The following PPIF variants were observed in gnomAD, a reference collection of about 807,000 sequenced individuals.
PPIF encodes peptidylprolyl isomerase F.
A neutral mutation model predicts 20.2 loss-of-function variants in PPIF; 23 were observed. The ratio of observed to expected loss-of-function variants is 1.14; its 90% CI spans 0.82 to 1.61. The LOEUF is 1.61. Ranked by LOEUF, PPIF falls within the 40% of genes most tolerant of loss-of-function variation. PPIF has a pLI of 0.00. For missense variants in PPIF, 287 were observed against 291.6 expected, an observed-to-expected ratio of 0.98 and a Z score of 0.11; for synonymous variants, 113 against 123.1, an observed-to-expected ratio of 0.92 and a Z score of 0.54.
At chr10:79,352,028 G>C (rs1239548142) in intron 4 of PPIF, among the ~76,000 whole-genome samples, 1 of 152,208 alleles carries the variant, frequency 6.6e-6, no homozygotes, top group Non-Finnish European at 1.5e-5. Flanking sequence ...AGAATGTGGA[G>C]ATGTCTGGAG....
chr10:79,349,217 G>A, intron 2 of PPIF, 111 bp downstream of exon 2: 1 of 1,602,996 alleles, frequency 6.2e-7, no homozygotes. Context: ...CCTGACAGAT[G>A]GGAGCTCCAT....
intron 4 of PPIF, 60 bp downstream of exon 4, chr10:79,351,643 C>G (rs536831120): frequency 1.7e-4 from 260 of 1,525,260 alleles, no homozygotes; most frequent in Non-Finnish European, 2.1e-4. Flanking sequence ...CCTGGAAGCC[C>G]CAGCAGGCCC....
At position 79,352,338 on chromosome 10, in the gene PPIF, C is replaced by T. The variant is rs747746206; in HGVS notation, c.434C>T (p.Ala145Val). Residue 145 changes from alanine to valine, a missense_variant, in exon 5 of 6, where the codon GCT becomes GTT. Transcript: ENST00000225174. Reference sequence around the variant, plus strand: ...GCAGGTGTCCTGTCCATGGCTAATGCTGGTCCTAACACCAACGGCTCCCAG... The same window carrying T: ...GCAGGTGTCCTGTCCATGGCTAATGTTGGTCCTAACACCAACGGCTCCCAG... ...VGPGVLSMAN[A>V]GPNTNGSQFF... The T allele has an allele frequency of 3.7e-6, 6 of 1,614,224 alleles. No homozygotes were observed. In the Admixed American group the frequency reaches 5.0e-5, roughly 13 times the overall value.
At chr10:79,350,828 C>A (rs866411280) in intron 3 of PPIF, among the ~76,000 whole-genome samples, 22 of 152,312 alleles carry the variant, frequency 1.4e-4, no homozygotes, top group Middle Eastern at 3.4e-3. Context: ...ACCCACGGAT[C>A]CCATCTCAGG....
chr10:79,352,415 TCTGGGAATGCGGGCAGCCTTGCAG>T, intron 5 of PPIF, 23 bp downstream of exon 5: 2 of 1,605,628 alleles, frequency 1.2e-6, no homozygotes, highest in Non-Finnish European at 1.7e-6. Flanking sequence ...CCCCAGGCCC[TCTGGGAATGCGGGCAGCCTTGCAG>T]CTGGAGGAGG....
chr10:79,353,123 G>T (rs1445941647), intron 5 of PPIF, among the ~76,000 whole-genome samples: 1 of 152,244 alleles, frequency 6.6e-6, no homozygotes, highest in African/African-American at 2.4e-5. Flanking sequence ...GATGTGGCCG[G>T]CAGGGCTGGG....
In PPIF at chr10:79,354,180, C is replaced by A; in HGVS notation, c.*338C>A. On this transcript the variant is annotated 3_prime_UTR_variant, in exon 6 of 6. Transcript: ENST00000225174. Reference sequence around the variant, plus strand: ...TTGCCATCCAAGTGAAAGTCTTTTCCTTGACCAAGGGGGACAGTCAGTTTT... The same window carrying A: ...TTGCCATCCAAGTGAAAGTCTTTTCATTGACCAAGGGGGACAGTCAGTTTT... 1 of 314,828 alleles carries A rather than the reference C, an allele frequency of 3.2e-6. No homozygotes were observed. The highest frequency in any genetic ancestry group is 6.0e-6 in the Non-Finnish European group (1 of 166,282). The allele number at this position is 314,828 out of a possible 1,614,324, so 19.5% of individuals were successfully genotyped here.
Position 79,354,032 on chromosome 10 carries a change from C to T in PPIF, c.*190C>T, listed in dbSNP as rs908605390. 3.2e-6 allele frequency: 2 copies of T among 618,052 alleles called. No homozygotes were observed. The highest frequency in any genetic ancestry group is 5.6e-6 in the Non-Finnish European group (2 of 357,542). The allele number at this position is 618,052 out of a possible 1,614,324, so 38.3% of individuals were successfully genotyped here. On this transcript the variant is annotated 3_prime_UTR_variant, in exon 6 of 6. Coordinates refer to ENST00000225174, the MANE Select transcript of PPIF (RefSeq NM_005729.4). ...ACCACATTGCTTCCTAATACCCACC[C>T]TTCCTCACGACCTCATTTCTGGGCA... is the stretch of plus-strand genomic sequence containing the variant.
Position 79,347,597 on chromosome 10 carries a change from C to T in PPIF, c.49C>T (p.Pro17Ser). The T allele has an allele frequency of 7.0e-7, 1 of 1,425,422 alleles. No homozygotes were observed. Among genetic ancestry groups the T allele is most frequent in the Non-Finnish European group, 9.2e-7 (1 of 1,086,678 alleles). The allele number at this position is 1,425,422 out of a possible 1,614,324, so 88.3% of individuals were successfully genotyped here. A position where few individuals can be genotyped will look rare whatever the true frequency, so the allele number is the denominator to read the frequency against. Residue 17 changes from proline (P) to serine (S), a missense_variant, in exon 1 of 6, where the codon CCG (proline) becomes TCG (serine). Transcript: ENST00000225174. ...CCGCTGGCTCGGCCTGCTCTCCGTC[C>T]CGCGCTCCGTGCCGCTGCGCCTCCC... The part of the protein sequence containing the change: ...GSRWLGLLSV[P>S]RSVPLRLPAA...
At chr10:79,350,970 G>T (rs1023086181) in intron 3 of PPIF, among the ~76,000 whole-genome samples, 2 of 152,246 alleles carry the variant, frequency 1.3e-5, no homozygotes, top group Admixed American at 1.3e-4. Flanking sequence ...CCTGAGGAAA[G>T]ATGTCAGCCT....
chr10:79,353,449 G>GGTTA (rs2132153827), intron 5 of PPIF, among the ~76,000 whole-genome samples: 1 of 152,304 alleles, frequency 6.6e-6, no homozygotes, highest in South Asian at 2.1e-4. Context: ...TGATAGATGG[G>GGTTA]GTTACCAGGA....
Position 79,351,673 on chromosome 10 carries a change from A to G in PPIF, c.412+90A>G. On this transcript the variant is annotated intron_variant, in intron 4 of 5. Transcript: ENST00000225174. ...AGGCCCTGAGAGGCCACATGCAGTC[A>G]CCGTCCAGTATCTGATGAGTCTCCT... The G allele has an allele frequency of 7.6e-6, 9 of 1,180,110 alleles. No individual in the cohort carries two copies. In the South Asian group the frequency reaches 1.1e-4, roughly 14 times the overall value. 73.1% of individuals were successfully genotyped at this position (1,180,110 alleles called of 1,614,324 possible).
rs1856033621 is a variant in PPIF at position 79,355,176 on chromosome 10, TTGCTCC to T, written c.*1339_*1344del. The T allele has an allele frequency of 6.6e-6, 1 of 152,092 alleles. No individual in the cohort carries two copies. The allele number at this position is 152,092 out of a possible 1,614,324, so 9.4% of individuals were successfully genotyped here. A position where few individuals can be genotyped will look rare whatever the true frequency, so the allele number is the denominator to read the frequency against. On this transcript the variant is annotated 3_prime_UTR_variant, in exon 6 of 6. Transcript: ENST00000225174. ...TGTGGCACCTCCCCCTGCCCCCTTC[TTGCTCC>T]TGCTTTCACCATGTGACATGCCTGA...
intron 5 of PPIF, 134 bp from the exon 6 acceptor site, chr10:79,353,573 G>A: frequency 1.3e-6 from 2 of 1,498,490 alleles, no homozygotes; most frequent in Admixed American, 3.6e-5. Context: ...ATCGAGCTTT[G>A]GGGGTAGATC....
chr10:79,351,433 C>T (rs1017294140), intron 3 of PPIF, 54 bp from the exon 4 acceptor site: 20 of 1,574,372 alleles, frequency 1.3e-5, no homozygotes, highest in African/African-American at 9.4e-5. Context: ...GCGCCAGGGC[C>T]GTGGCCCCCG....
Position 79,347,613 on chromosome 10 carries a change from T to G in PPIF, c.65T>G (p.Leu22Arg), listed in dbSNP as rs1564623140. The stretch of plus-strand genomic sequence containing the variant: ...CTCTCCGTCCCGCGCTCCGTGCCGC[T>G]GCGCCTCCCCGCGGCCCGCGCCTGC... ...GLLSVPRSVPLRLPAARACSK... is the reference protein window; with the variant it reads ...GLLSVPRSVPRRLPAARACSK... The change falls in exon 1 of 6, where the codon CTG becomes CGG. Residue 22 changes from leucine (L) to arginine (R), a missense_variant. Physicochemically the swap from Leu to Arg is moderately radical, Grantham distance 102. Transcript: ENST00000225174. The G allele has an allele frequency of 1.4e-6, 2 of 1,440,364 alleles. No homozygotes were observed. The highest frequency in any genetic ancestry group is 1.8e-6 in the Non-Finnish European group (2 of 1,093,252). 89.2% of individuals were successfully genotyped at this position (1,440,364 alleles called of 1,614,324 possible). A position where few individuals can be genotyped will look rare whatever the true frequency, so the allele number is the denominator to read the frequency against.
chr10:79,349,252 T>G lies in PPIF; in HGVS notation c.226+146T>G. On this transcript the variant is annotated intron_variant, in intron 2 of 5. Coordinates refer to ENST00000225174, the MANE Select transcript of PPIF (RefSeq NM_005729.4). ...TGTGTGGCTCAGCCATTGGGTGCTC[T>G]GGGGCAGCCCTGCCATCCCTCTCTG... is the stretch of plus-strand genomic sequence containing the variant. 1.9e-6 allele frequency: 3 copies of G among 1,566,644 alleles called. No homozygotes were observed. In the Admixed American group the frequency reaches 5.4e-5, roughly 28 times the overall value.
Position 79,347,476 on chromosome 10 carries a change from C to G in PPIF, c.-73C>G, listed in dbSNP as rs1026664203. 10 of 1,251,366 alleles carry G rather than the reference C, an allele frequency of 8.0e-6. No homozygotes were observed. The highest frequency in any genetic ancestry group is 6.1e-5 in the South Asian group (2 of 32,944). 77.5% of individuals were successfully genotyped at this position (1,251,366 alleles called of 1,614,324 possible). On this transcript the variant is annotated 5_prime_UTR_variant, in exon 1 of 6. Coordinates refer to ENST00000225174, the MANE Select transcript of PPIF (RefSeq NM_005729.4). The stretch of plus-strand genomic sequence containing the variant: ...GGCGCGCGGCTGCGCGGGACTCGGC[C>G]TTCTGGGCGCGCGCGACGTCAGTTT...
chr10:79,351,554 A>C lies in PPIF; in HGVS notation c.383A>C (p.Glu128Ala), dbSNP rs761823622. ...ATCTACGGAAGCCGCTTTCCTGACG[A>C]GAACTTTACACTGAAGCACGTGGGG... ...KSIYGSRFPDENFTLKHVGPG... is the reference protein window; with the variant it reads ...KSIYGSRFPDANFTLKHVGPG... The change falls in exon 4 of 6, where the codon GAG becomes GCG. Residue 128 changes from glutamate to alanine, a missense_variant. Transcript: ENST00000225174. 1.2e-6 allele frequency: 2 copies of C among 1,614,160 alleles called. No homozygotes were observed. The highest frequency in any genetic ancestry group is 3.3e-5 in the Admixed American group (2 of 60,032).
Sources: allele counts gnomAD v4.1 joint callset (sites outside exome capture counted in the v4.1 genomes callset), GRCh38; gene constraint gnomAD v4.1.1; transcripts MANE v1.5; gene names NCBI Gene and HGNC (gene_info 2026-07-23, HGNC 2026-07-21).